Variants in PCDHA7 observed in about 807,000 individuals in gnomAD.
PCDHA7 encodes protocadherin alpha 7, also known as protocadherin alpha-7.
In PCDHA7, 37 loss-of-function variants were observed where a neutral mutation model predicts 57.2. The ratio of observed to expected loss-of-function variants is 0.65; its 90% CI spans 0.50 to 0.85. The LOEUF (loss-of-function observed/expected upper bound fraction) is 0.85. Ranked by LOEUF, PCDHA7 falls within the 40% of genes least tolerant of loss-of-function variation. The pLI is 0.00. For synonymous variants in PCDHA7, 553 were observed against 558.8 expected (o/e 0.99, Z 0.15); for missense variants, 1,188 against 1,241.8 (o/e 0.96, Z 0.65).
intron 1 of PCDHA7, among the ~76,000 whole-genome samples, chr5:140,933,321 C>T (rs1266539168): frequency 2.6e-5 from 4 of 151,928 alleles, no homozygotes; most frequent in Non-Finnish European, 5.9e-5. Context: ...CTCGTATTCT[C>T]CTGTGCTGTA....
chr5:140,843,940 T>C (rs1562418437), intron 1 of PCDHA7: 1 of 573,848 alleles, frequency 1.7e-6, no homozygotes, highest in South Asian at 2.4e-5. Flanking sequence ...TATGGTTGGA[T>C]GATATCCATT....
intron 1 of PCDHA7, among the ~76,000 whole-genome samples, chr5:140,921,683 C>T (rs1554200360): frequency 6.6e-6 from 1 of 152,154 alleles, no homozygotes; most frequent in East Asian, 1.9e-4. Flanking sequence ...TCATCAAACA[C>T]TGGCCACCTC....
intron 1 of PCDHA7, among the ~76,000 whole-genome samples, chr5:140,895,467 T>A (rs1201680855): frequency 6.6e-6 from 1 of 152,204 alleles, no homozygotes. Flanking sequence ...CATTTCTTTA[T>A]CCTCTTCGGA....
At position 140,835,849 on chromosome 5, in the gene PCDHA7, T is replaced by A. The variant is rs2150246527; in HGVS notation, c.1466T>A (p.Leu489Gln). The A allele has an allele frequency of 9.3e-6, 15 of 1,612,302 alleles. No individual in the cohort carries two copies. Among genetic ancestry groups the A allele is most frequent in the Non-Finnish European group, 1.3e-5 (15 of 1,179,638 alleles). ...GACGCGGACGCGCAGAAGAACGCGC[T>A]GGTGTCCTACTCGCTGGTGGAGCTG... ...AGDADAQKNALVSYSLVELRV... is the reference protein window; with the variant it reads ...AGDADAQKNAQVSYSLVELRV... The change falls in exon 1 of 4, where the codon CTG becomes CAG. Residue 489 changes from leucine (L) to glutamine (Q), a missense_variant. Transcript: ENST00000525929.
intron 2 of PCDHA7, among the ~76,000 whole-genome samples, chr5:140,979,316 G>A (rs782153299): frequency 2.0e-5 from 3 of 151,950 alleles, no homozygotes; most frequent in Non-Finnish European, 4.4e-5. Context: ...CTCTACCTAT[G>A]CTTTCTTTTC....
At chr5:140,870,318 G>T in intron 1 of PCDHA7, 1 of 1,614,178 alleles carries the variant, frequency 6.2e-7, no homozygotes, top group Non-Finnish European at 8.5e-7. Context: ...ATTACTACTC[G>T]TTGGTGCTGG....
chr5:140,978,820 TG>T, intron 1 of PCDHA7, 128 bp from the exon 2 acceptor site: 2 of 1,517,498 alleles, frequency 1.3e-6, no homozygotes, highest in Non-Finnish European at 1.8e-6. Flanking sequence ...GAGTTACACA[TG>T]AAATGGCTCA....
At chr5:140,899,894 A>G (rs2067617727) in intron 1 of PCDHA7, among the ~76,000 whole-genome samples, 1 of 151,938 alleles carries the variant, frequency 6.6e-6, no homozygotes, top group African/African-American at 2.4e-5. Context: ...TGCAGCCTTG[A>G]CATCCTGGGC....
chr5:140,864,848 T>A (rs1581726954), intron 1 of PCDHA7: 1 of 152,184 alleles, frequency 6.6e-6, no homozygotes, highest in Non-Finnish European at 1.5e-5. Flanking sequence ...AGTCTTCCCA[T>A]ACATGATGAA....
intron 1 of PCDHA7, chr5:140,854,000 CAA>C (rs112540154): frequency 4.4e-4 from 155 of 351,630 alleles, no homozygotes; most frequent in Middle Eastern, 1.4e-3. Flanking sequence ...TCATCTCTGC[CAA>C]AAAAAAAAAA....
chr5:140,852,028 T>A, intron 1 of PCDHA7: 1 of 943,108 alleles, frequency 1.1e-6, no homozygotes, highest in Non-Finnish European at 1.3e-6. Context: ...AAACTTCGCT[T>A]ATTGAGTTTT....
chr5:140,911,894 A>G (rs1352900427), intron 1 of PCDHA7, among the ~76,000 whole-genome samples: 2 of 152,184 alleles, frequency 1.3e-5, no homozygotes, highest in Non-Finnish European at 2.9e-5. Context: ...CAAAATCTGT[A>G]TTAGTCAGAG....
intron 1 of PCDHA7, among the ~76,000 whole-genome samples, chr5:140,971,749 CAT>C (rs143190557): frequency 0.047 from 7,111 of 152,104 alleles, 190 homozygotes; most frequent in Non-Finnish European, 0.062. Context: ...ACATATATCT[CAT>C]ATTACTGAAT....
At chr5:140,891,402 C>T (rs2153434100) in intron 1 of PCDHA7, among the ~76,000 whole-genome samples, 1 of 151,650 alleles carries the variant, frequency 6.6e-6, no homozygotes, top group East Asian at 1.9e-4. Context: ...TATCCCTCGC[C>T]ACCCCCCACT....
chr5:140,913,398 AT>A (rs1172885484), intron 1 of PCDHA7, among the ~76,000 whole-genome samples: 5 of 152,132 alleles, frequency 3.3e-5, no homozygotes, highest in Non-Finnish European at 7.4e-5. Flanking sequence ...GCCACTAATG[AT>A]CCTTTGAATT....
chr5:140,858,726 C>A (rs115774489), intron 1 of PCDHA7: 4 of 481,590 alleles, frequency 8.3e-6, no homozygotes, highest in African/African-American at 8.1e-5. Context: ...GCAGTTCTGA[C>A]GATTTACTTT....
intron 1 of PCDHA7, chr5:140,863,385 G>C: frequency 9.7e-7 from 1 of 1,030,864 alleles, no homozygotes; most frequent in Non-Finnish European, 1.4e-6. Context: ...CCGAGAGCTC[G>C]TGCATGCCGG....
chr5:140,870,975 G>A, intron 1 of PCDHA7: 1 of 1,613,610 alleles, frequency 6.2e-7, no homozygotes, highest in Non-Finnish European at 8.5e-7. Context: ...TCCGCGTGGG[G>A]CTGTACACGG....
chr5:140,927,322 A>T (rs782465180), intron 1 of PCDHA7: 1 of 1,613,780 alleles, frequency 6.2e-7, no homozygotes, highest in Non-Finnish European at 8.5e-7. Flanking sequence ...AGCCCGCTTT[A>T]CTCTCCCGAA....
Sources: allele counts gnomAD v4.1 joint callset (sites outside exome capture counted in the v4.1 genomes callset), GRCh38; gene constraint gnomAD v4.1.1; transcripts MANE v1.5; gene names NCBI Gene and HGNC (gene_info 2026-07-23, HGNC 2026-07-21).